Variants in DMD observed in about 807,000 individuals in gnomAD.
DMD encodes the protein mutant dystrophin.
In DMD, 63 loss-of-function variants were observed where a neutral mutation model predicts 330.1. That is an observed-to-expected ratio of 0.19 (90% CI 0.16 to 0.24). DMD has a LOEUF of 0.24. Among genes scored for constraint, DMD ranks in the 10% least tolerant of loss-of-function variants. The probability of loss-of-function intolerance (pLI) is 1.00; values close to 1 mark genes in which losing one functional copy is unlikely to be tolerated. For missense variants in DMD, 3,344 were observed against 2,684.1 expected (o/e 1.25, Z -5.43); for synonymous variants, 1,223 against 959.8 (o/e 1.27, Z -5.07).
At position 32,153,512 on chromosome X, in the gene DMD, CA is replaced by C. The variant is rs111983967; in HGVS notation, c.6438+63403del. Among the ~76,000 whole-genome samples the C allele has an allele frequency of 8.3e-3, 844 of 101,916 alleles. 6 individuals carry two copies. The highest frequency in any genetic ancestry group is 0.014 in the African/African-American group (403 of 28,318). The allele number at this position is 101,916 out of a possible 115,157, so 88.5% of individuals were successfully genotyped here. ...AAAGAGGAGCTCTAAAGAAATAAAGCAAAAAAAAAAATTTATAATCCACATT... is the reference window on the plus strand; with the variant it reads ...AAAGAGGAGCTCTAAAGAAATAAAGCAAAAAAAAAATTTATAATCCACATT... On this transcript the variant is annotated intron_variant, in intron 44 of 78. Coordinates refer to ENST00000357033, the MANE Select transcript of DMD (RefSeq NM_004006.3).
chrX:32,497,242 G>A (rs1043488985), intron 19 of DMD, among the ~76,000 whole-genome samples: 29 of 112,165 alleles, frequency 2.6e-4, no homozygotes, highest in African/African-American at 9.4e-4. Flanking sequence ...TCTCGTCAGT[G>A]TTATCATTCT....
chrX:32,745,871 GC>G (rs1175115771), intron 7 of DMD, among the ~76,000 whole-genome samples: 16 of 111,912 alleles, frequency 1.4e-4, no homozygotes, highest in Non-Finnish European at 2.3e-4. Flanking sequence ...CTGATAAGCT[GC>G]AAAATTCTGT....
intron 2 of DMD, among the ~76,000 whole-genome samples, chrX:33,009,798 A>G (rs373356290): frequency 4.2e-5 from 1 of 23,972 alleles, no homozygotes; most frequent in African/African-American, 1.8e-4. Context: ...ATATGTGTGT[A>G]TATGTGTATA....
At chrX:32,483,987 A>G (rs892415225) in intron 21 of DMD, among the ~76,000 whole-genome samples, 1 of 111,060 alleles carries the variant, frequency 9.0e-6, no homozygotes. Flanking sequence ...AAAGAAAAGC[A>G]ATAGGATAAT....
chrX:32,415,168 T>A (rs1295740693), intron 29 of DMD, among the ~76,000 whole-genome samples: 1 of 112,347 alleles, frequency 8.9e-6, no homozygotes, highest in Non-Finnish European at 1.9e-5. Flanking sequence ...ACAAGGCACA[T>A]CTGTAGATTT....
At chrX:32,438,491 C>T (rs1034895898) in intron 28 of DMD, 101 bp from the exon 29 acceptor site, 7 of 1,012,762 alleles carry the variant, frequency 6.9e-6, no homozygotes, top group Non-Finnish European at 9.5e-6. Flanking sequence ...ATAATTAAGT[C>T]ATAATCAATT....
At chrX:33,135,989 A>G (rs1324167779) in intron 1 of DMD, among the ~76,000 whole-genome samples, 2 of 111,237 alleles carry the variant, frequency 1.8e-5, no homozygotes, top group Non-Finnish European at 3.8e-5. Flanking sequence ...TCTGTATTCT[A>G]CTTTTGGCAG....
intron 34 of DMD, among the ~76,000 whole-genome samples, chrX:32,372,313 C>A (rs1277225889): frequency 9.0e-6 from 1 of 111,503 alleles, no homozygotes; most frequent in East Asian, 2.8e-4. Context: ...TATCAGAGAC[C>A]AAAATACACA....
chrX:31,527,490 T>C (rs367584115), intron 55 of DMD, among the ~76,000 whole-genome samples: 1 of 112,399 alleles, frequency 8.9e-6, no homozygotes, highest in African/African-American at 3.2e-5. Context: ...GTATGTTGCA[T>C]GCATTATTTT....
chrX:31,747,367 T>C (rs894657046), intron 51 of DMD, among the ~76,000 whole-genome samples: 1 of 111,876 alleles, frequency 8.9e-6, no homozygotes, highest in Non-Finnish European at 1.9e-5. Flanking sequence ...AAAATTACAA[T>C]AGAATATATT....
At chrX:32,007,693 G>C (rs182446837) in intron 44 of DMD, among the ~76,000 whole-genome samples, 2 of 110,670 alleles carry the variant, frequency 1.8e-5, no homozygotes, top group East Asian at 2.8e-4. Flanking sequence ...CACAGGTTTG[G>C]GGGGACGTGG....
At chrX:31,848,827 TA>T (rs1049700742) in intron 48 of DMD, among the ~76,000 whole-genome samples, 2 of 109,662 alleles carry the variant, frequency 1.8e-5, no homozygotes, top group African/African-American at 6.6e-5. Context: ...GCATTACTAA[TA>T]ATGGGCAGTT....
At chrX:31,852,704 C>T (rs545011280) in intron 48 of DMD, among the ~76,000 whole-genome samples, 4 of 111,514 alleles carry the variant, frequency 3.6e-5, no homozygotes, top group Admixed American at 9.6e-5. Flanking sequence ...ACAATGTAAA[C>T]ATATATCAAA....
At chrX:32,252,955 A>AAT (rs994594700) in intron 43 of DMD, among the ~76,000 whole-genome samples, 51 of 90,895 alleles carry the variant, frequency 5.6e-4, no homozygotes, top group African/African-American at 2.0e-3. Flanking sequence ...AATATATATA[A>AAT]ATATATATAT....
At chrX:32,730,095 G>A (rs1383762884) in intron 7 of DMD, among the ~76,000 whole-genome samples, 2 of 112,064 alleles carry the variant, frequency 1.8e-5, no homozygotes, top group Non-Finnish European at 3.8e-5. Flanking sequence ...CATTTTCGGA[G>A]GCTGAGGCAG....
intron 62 of DMD, among the ~76,000 whole-genome samples, chrX:31,313,372 A>T (rs1027711114): frequency 9.0e-6 from 1 of 110,895 alleles, no homozygotes; most frequent in Non-Finnish European, 1.9e-5. Context: ...AAGGACTACT[A>T]GAGTAGTTTT....
At chrX:32,050,235 G>GT (rs201301279) in intron 44 of DMD, among the ~76,000 whole-genome samples, 297 of 110,278 alleles carry the variant, frequency 2.7e-3, no homozygotes, top group African/African-American at 9.5e-3. Flanking sequence ...CATGGATTAT[G>GT]TTTTTTTTCT....
chrX:32,077,152 A>G (rs1206072991), intron 44 of DMD, among the ~76,000 whole-genome samples: 1 of 111,389 alleles, frequency 9.0e-6, no homozygotes, highest in African/African-American at 3.3e-5. Flanking sequence ...TGGGGGTAGC[A>G]CGGAGAGACT....
chrX:33,148,832 G>C (rs897430799), intron 1 of DMD, among the ~76,000 whole-genome samples: 1 of 111,702 alleles, frequency 9.0e-6, no homozygotes, highest in Non-Finnish European at 1.9e-5. Context: ...ATCTCTCTAT[G>C]AGAGATAAAT....
Sources: gnomAD v4.1 joint callset for allele counts (sites outside exome capture counted in the v4.1 genomes callset) on GRCh38, gnomAD v4.1.1 for gene constraint, MANE v1.5 for transcripts, NCBI Gene and HGNC (gene_info 2026-07-23, HGNC 2026-07-21) for gene names.